The following TIPARP variants were observed in gnomAD, a reference collection of about 807,000 sequenced individuals.
The protein encoded by TIPARP is TCDD inducible poly(ADP-ribose) polymerase.
In TIPARP, 12 loss-of-function variants were observed where a neutral mutation model predicts 56.5. The observed-to-expected ratio is 0.21, with a 90% CI of 0.14 to 0.34. The LOEUF (loss-of-function observed/expected upper bound fraction) is 0.34. Ranked by LOEUF, TIPARP falls within the 10% of genes least tolerant of loss-of-function variation. The probability of loss-of-function intolerance (pLI) is 1.00; values close to 1 mark genes in which losing one functional copy is unlikely to be tolerated. For missense variants in TIPARP, 604 were observed against 781.6 expected (o/e 0.77, Z 2.71); for synonymous variants, 296 against 265.7 (o/e 1.11, Z -1.11).
At chr3:156,696,913 T>G (rs1456386254) in intron 4 of TIPARP, among the ~76,000 whole-genome samples, 4 of 152,216 alleles carry the variant, frequency 2.6e-5, no homozygotes, top group Non-Finnish European at 5.9e-5. Flanking sequence ...ATTCCTACTG[T>G]TTTTATTTTA....
chr3:156,689,963 G>C (rs1301166996), intron 2 of TIPARP, among the ~76,000 whole-genome samples: 1 of 152,058 alleles, frequency 6.6e-6, no homozygotes, highest in Non-Finnish European at 1.5e-5. Flanking sequence ...ATGCTGCAAG[G>C]TTTCCTTTTC....
intron 2 of TIPARP, among the ~76,000 whole-genome samples, chr3:156,680,750 T>C (rs1200021752): frequency 1.3e-5 from 2 of 152,156 alleles, no homozygotes; most frequent in South Asian, 2.1e-4. Context: ...AGAATAGACA[T>C]AGATATAGGC....
rs1302033015 is a variant in TIPARP at position 156,678,396 on chromosome 3, C to T, written c.699C>T (p.His233=). 6.2e-7 allele frequency: 1 copy of T among 1,614,098 alleles called. No individual in the cohort carries two copies. The highest frequency in any genetic ancestry group is 2.2e-5 in the East Asian group (1 of 44,900). The change falls in exon 2 of 6, where the codon CAC becomes CAT. Residue 233 remains histidine, a synonymous_variant. Transcript: ENST00000295924. The part of the protein sequence containing the change: ...VFELVNQLQY[H]THQENGIEIC... The stretch of plus-strand genomic sequence containing the variant: ...AGCTGGTGAACCAGTTGCAGTACCA[C>T]ACTCACCAAGAGAACGGAATTGAAA...
At chr3:156,697,422 C>CT (rs60091681) in intron 4 of TIPARP, among the ~76,000 whole-genome samples, 44,144 of 140,174 alleles carry the variant, frequency 0.31, 7,729 homozygotes, top group Middle Eastern at 0.48. Flanking sequence ...AATATGCCCT[C>CT]TTTTTTTTTT....
At position 156,687,682 on chromosome 3, in the gene TIPARP, A is replaced by G. The variant is rs370486579; in HGVS notation, c.918-6338A>G. ...CCCACATGCTTTTGGAGAATATACA[A>G]TTAAAAAGCTTAAAAACAGATAATC... On this transcript the variant is annotated intron_variant, in intron 2 of 5. Coordinates refer to ENST00000295924, the MANE Select transcript of TIPARP (RefSeq NM_015508.5). Among the ~76,000 whole-genome samples the G allele has an allele frequency of 1.4e-4, 22 of 152,296 alleles. No homozygotes were observed. The East Asian group carries it at 3.9e-3, about 27-fold the overall frequency.
intron 2 of TIPARP, chr3:156,681,098 C>CAA: frequency 2.2e-6 from 1 of 455,244 alleles, no homozygotes; most frequent in Non-Finnish European, 4.4e-6. Context: ...TCCTTGTATT[C>CAA]CAAAGCGATG....
intron 4 of TIPARP, among the ~76,000 whole-genome samples, chr3:156,698,057 G>C (rs1270161520): frequency 6.6e-6 from 1 of 152,180 alleles, no homozygotes; most frequent in African/African-American, 2.4e-5. Context: ...TTAGTGATCT[G>C]GATAAAAGAT....
At chr3:156,698,303 A>G (rs1422067420) in intron 4 of TIPARP, among the ~76,000 whole-genome samples, 1 of 152,246 alleles carries the variant, frequency 6.6e-6, no homozygotes, top group Non-Finnish European at 1.5e-5. Context: ...GAGATCATTG[A>G]TGACAGTGGC....
intron 4 of TIPARP, among the ~76,000 whole-genome samples, chr3:156,702,293 T>G (rs1313149403): frequency 1.3e-5 from 2 of 152,204 alleles, no homozygotes; most frequent in Non-Finnish European, 2.9e-5. Context: ...GGCAAATTAT[T>G]TAATCTCTCT....
chr3:156,690,502 G>A (rs1283703050), intron 2 of TIPARP, among the ~76,000 whole-genome samples: 1 of 152,102 alleles, frequency 6.6e-6, no homozygotes, highest in African/African-American at 2.4e-5. Context: ...TTATGAGAAT[G>A]GGCGTCCTTT....
chr3:156,687,922 A>C (rs1425327719), intron 2 of TIPARP, among the ~76,000 whole-genome samples: 1 of 152,200 alleles, frequency 6.6e-6, no homozygotes, highest in African/African-American at 2.4e-5. Flanking sequence ...GGGAGCAGCA[A>C]CAAGGCCTAA....
chr3:156,684,942 A>G (rs1441188731), intron 2 of TIPARP, among the ~76,000 whole-genome samples: 1 of 152,216 alleles, frequency 6.6e-6, no homozygotes, highest in East Asian at 1.9e-4. Context: ...TCACTTGTTA[A>G]TAGTGAATTT....
At chr3:156,685,910 G>A (rs1447321156) in intron 2 of TIPARP, among the ~76,000 whole-genome samples, 1 of 152,220 alleles carries the variant, frequency 6.6e-6, no homozygotes, top group Admixed American at 6.5e-5. Context: ...TGATCAAGGT[G>A]TAGAGAGGGC....
At chr3:156,697,218 C>T (rs1722735917) in intron 4 of TIPARP, among the ~76,000 whole-genome samples, 1 of 152,052 alleles carries the variant, frequency 6.6e-6, no homozygotes, top group African/African-American at 2.4e-5. Context: ...GTGTCAGTGT[C>T]CAGTAGTTAG....
intron 4 of TIPARP, among the ~76,000 whole-genome samples, chr3:156,702,265 C>T (rs1241004409): frequency 2.0e-5 from 3 of 152,204 alleles, no homozygotes; most frequent in East Asian, 3.8e-4. Context: ...TGTCTTCGCT[C>T]TTTGCTAGCT....
chr3:156,698,235 A>C (rs920838444), intron 4 of TIPARP, among the ~76,000 whole-genome samples: 9 of 152,218 alleles, frequency 5.9e-5, no homozygotes, highest in Non-Finnish European at 1.2e-4. Flanking sequence ...ATAGAAGTGC[A>C]AGGTGAAGCA....
chr3:156,696,156 C>G, intron 4 of TIPARP, 131 bp downstream of exon 4: 1 of 945,704 alleles, frequency 1.1e-6, no homozygotes, highest in Non-Finnish European at 1.5e-6. Context: ...CCAAATTAGT[C>G]TTTGGATTTT....
At chr3:156,683,622 T>C (rs1316000333) in intron 2 of TIPARP, among the ~76,000 whole-genome samples, 1 of 152,210 alleles carries the variant, frequency 6.6e-6, no homozygotes, top group Non-Finnish European at 1.5e-5. Context: ...CCTGTAAATC[T>C]ATTTCCTATT....
intron 4 of TIPARP, among the ~76,000 whole-genome samples, chr3:156,701,099 G>A (rs1164651629): frequency 6.6e-6 from 1 of 152,192 alleles, no homozygotes; most frequent in Non-Finnish European, 1.5e-5. Flanking sequence ...AGGCAAGTTA[G>A]GATGTTGGCT....
Sources: gnomAD v4.1 joint callset for allele counts (sites outside exome capture counted in the v4.1 genomes callset) on GRCh38, gnomAD v4.1.1 for gene constraint, MANE v1.5 for transcripts, NCBI Gene and HGNC (gene_info 2026-07-23, HGNC 2026-07-21) for gene names.